Variants in ATP6V0A2 observed in about 807,000 individuals in gnomAD.
The protein encoded by ATP6V0A2 is ATPase H+ transporting V0 subunit a2.
Under a neutral mutation model 104.4 loss-of-function variants are expected in ATP6V0A2, and 58 were observed. That is an observed-to-expected ratio of 0.56 (90% CI 0.45 to 0.69). The LOEUF is 0.69. Among genes scored for constraint, ATP6V0A2 ranks in the 30% least tolerant of loss-of-function variants. The probability of loss-of-function intolerance (pLI) is 0.00; values close to 1 mark genes in which losing one functional copy is unlikely to be tolerated. For missense variants in ATP6V0A2, 938 were observed against 1,062.9 expected, an observed-to-expected ratio of 0.88 and a Z score of 1.63; for synonymous variants, 376 against 397.9, an observed-to-expected ratio of 0.95 and a Z score of 0.65.
chr12:123,750,811 G>A, intron 15 of ATP6V0A2: 1 of 406,412 alleles, frequency 2.5e-6, no homozygotes, highest in Non-Finnish European at 4.6e-6. Flanking sequence ...CTCATTTACA[G>A]TGTTTACAGA....
chr12:123,712,989 G>C (rs780395092), intron 1 of ATP6V0A2, among the ~76,000 whole-genome samples: 8 of 152,172 alleles, frequency 5.3e-5, no homozygotes, highest in Admixed American at 4.6e-4. Context: ...AGGCCTCTTG[G>C]AGTCCTTTTG....
chr12:123,737,119 T>C lies in ATP6V0A2; in HGVS notation c.886T>C (p.Tyr296His), dbSNP rs1283317046. The C allele has an allele frequency of 6.2e-7, 1 of 1,614,246 alleles. No homozygotes were observed. Among genetic ancestry groups the C allele is most frequent in the Admixed American group, 1.7e-5 (1 of 60,032 alleles). Residue 296 changes from tyrosine to histidine, a missense_variant, in exon 9 of 20, where the codon TAC (tyrosine) becomes CAC (histidine). By Grantham distance (83) the Tyr-to-His change is moderately conservative (BLOSUM62 2). Coordinates refer to ENST00000330342, the MANE Select transcript of ATP6V0A2 (RefSeq NM_012463.4). Reference sequence around the variant, plus strand: ...GCTATGTAAAGCCGCCGAGTCTGTCTACAGCCGTGTGATCCAGGTGAAGAA... The same window carrying C: ...GCTATGTAAAGCCGCCGAGTCTGTCCACAGCCGTGTGATCCAGGTGAAGAA... ...QVLCKAAESV[Y>H]SRVIQVKKMK...
At position 123,743,844 on chromosome 12, in the gene ATP6V0A2, C is replaced by T. The variant is rs988115285; in HGVS notation, c.1098C>T (p.Pro366=). 4.3e-6 allele frequency: 7 copies of T among 1,613,958 alleles called. No homozygotes were observed. The highest frequency in any genetic ancestry group is 1.7e-5 in the Admixed American group (1 of 59,998). Residue 366 remains proline (P), a synonymous_variant, in exon 10 of 20, where the codon CCC becomes CCT. Coordinates refer to ENST00000330342, the MANE Select transcript of ATP6V0A2 (RefSeq NM_012463.4). ...ATATAATCCCCACAAAAGAAACACC[C>T]CCCACTCGGATCCGCACCAACAAAT... is the stretch of plus-strand genomic sequence containing the variant. ...FMNIIPTKET[P]PTRIRTNKFT...
intron 9 of ATP6V0A2, among the ~76,000 whole-genome samples, chr12:123,739,583 C>T (rs1489512900): frequency 6.6e-6 from 1 of 152,198 alleles, no homozygotes; most frequent in East Asian, 1.9e-4. Flanking sequence ...CAGCCTCCAG[C>T]CTGCAGATCC....
chr12:123,733,967 G>A lies in ATP6V0A2; in HGVS notation c.690G>A (p.Trp230Ter). The A allele has an allele frequency of 6.2e-7, 1 of 1,613,542 alleles. No homozygotes were observed. Among genetic ancestry groups the A allele is most frequent in the Non-Finnish European group, 8.5e-7 (1 of 1,179,512 alleles). ...GGTATGTCTTTTTAATATCCTTTTG[G>A]GGAGAGCAGATTGGCCACAAGGTTA... The part of the protein sequence containing the change: ...IKWYVFLISF[W>*]GEQIGHKVKK... The change falls in exon 7 of 20, where the codon TGG (tryptophan) becomes TGA (stop). Residue 230 changes from tryptophan to a stop codon, truncating the protein, a stop_gained. Transcript: ENST00000330342. LOFTEE classifies it high-confidence loss of function.
At chr12:123,718,091 ATTTT>A (rs57967439) in intron 1 of ATP6V0A2, among the ~76,000 whole-genome samples, 1 of 142,956 alleles carries the variant, frequency 7.0e-6, no homozygotes, top group African/African-American at 2.6e-5. Flanking sequence ...TGCCTGGCTA[ATTTT>A]TTTTTTTTTT....
At chr12:123,750,342 T>G (rs1956702706) in intron 15 of ATP6V0A2, 1 of 152,662 alleles carries the variant, frequency 6.6e-6, no homozygotes, top group Admixed American at 6.5e-5. Context: ...TCAGCCTGGC[T>G]CCAGCCCAGG....
At chr12:123,752,494 A>G in intron 17 of ATP6V0A2, 92 bp downstream of exon 17, 1 of 1,513,286 alleles carries the variant, frequency 6.6e-7, no homozygotes, top group Non-Finnish European at 9.1e-7. Flanking sequence ...ATCATCTTAA[A>G]AAATGGTTAA....
At chr12:123,736,029 T>C (rs942007995) in intron 8 of ATP6V0A2, among the ~76,000 whole-genome samples, 3 of 149,634 alleles carry the variant, frequency 2.0e-5, no homozygotes, top group Non-Finnish European at 1.5e-5. Context: ...CGCACCACCA[T>C]GCCCGGCCAA....
rs765470088 is a variant in ATP6V0A2, at chr12:123,722,440, G to A, written c.286G>A (p.Glu96Lys). 1.2e-6 allele frequency: 2 copies of A among 1,605,280 alleles called. No individual in the cohort carries two copies. Among genetic ancestry groups the A allele is most frequent in the Non-Finnish European group, 1.7e-6 (2 of 1,171,922 alleles). The change falls in exon 3 of 20, where the codon GAA becomes AAA. Residue 96 changes from glutamate to lysine, a missense_variant. By Grantham distance (56) the Glu-to-Lys change is moderately conservative (BLOSUM62 1). Transcript: ENST00000330342. Reference protein sequence around the residue: ...PPAPPLKQVLEMQEQLQKLEV... With the variant: ...PPAPPLKQVLKMQEQLQKLEV... ...TGCGCCACCCCTGAAACAGGTTCTA[G>A]AAATGCAGGTAACTTGCTTCTGACG...
At chr12:123,718,049 C>T (rs910974584) in intron 1 of ATP6V0A2, among the ~76,000 whole-genome samples, 1 of 151,560 alleles carries the variant, frequency 6.6e-6, no homozygotes, top group African/African-American at 2.4e-5. Context: ...CTCAGCCTTC[C>T]AAGTAGCTGG....
intron 5 of ATP6V0A2, among the ~76,000 whole-genome samples, chr12:123,727,558 T>C (rs1956460175): frequency 6.6e-6 from 1 of 152,182 alleles, no homozygotes; most frequent in Non-Finnish European, 1.5e-5. Context: ...ATTACAGGCA[T>C]GAGCCACTGT....
chr12:123,716,721 G>T (rs934643224), intron 1 of ATP6V0A2, among the ~76,000 whole-genome samples: 1 of 151,420 alleles, frequency 6.6e-6, no homozygotes, highest in African/African-American at 2.4e-5. Flanking sequence ...AACCTGGGAG[G>T]CAGAGGTTGC....
chr12:123,746,660 A>G (rs1012959223), intron 13 of ATP6V0A2, among the ~76,000 whole-genome samples: 4 of 151,362 alleles, frequency 2.6e-5, no homozygotes, highest in East Asian at 1.9e-4. Flanking sequence ...AAAAAAAAAA[A>G]AAAAGGTTGG....
chr12:123,730,350 C>T (rs1225616099), intron 6 of ATP6V0A2, among the ~76,000 whole-genome samples: 1 of 152,004 alleles, frequency 6.6e-6, no homozygotes, highest in Non-Finnish European at 1.5e-5. Context: ...CCACCACACC[C>T]GGCCAGGAGT....
In ATP6V0A2 at chr12:123,712,402, C is replaced by T. The variant is rs1010177032; in HGVS notation, c.-164C>T. On this transcript the variant is annotated 5_prime_UTR_variant, in exon 1 of 20. Coordinates refer to ENST00000330342, the MANE Select transcript of ATP6V0A2 (RefSeq NM_012463.4). ...GCAGCTGGAGCGGCGGCCGCGGTGGCAGAACCGGGGGCGGCCGCTGCAGTC... is the reference window on the plus strand; with the variant it reads ...GCAGCTGGAGCGGCGGCCGCGGTGGTAGAACCGGGGGCGGCCGCTGCAGTC... 7.9e-6 allele frequency: 3 copies of T among 380,594 alleles called. No homozygotes were observed. The highest frequency in any genetic ancestry group is 9.7e-5 in the South Asian group (1 of 10,316). 23.6% of individuals were successfully genotyped at this position (380,594 alleles called of 1,614,324 possible).
At chr12:123,717,636 G>A (rs1447460602) in intron 1 of ATP6V0A2, among the ~76,000 whole-genome samples, 1 of 151,746 alleles carries the variant, frequency 6.6e-6, no homozygotes, top group Non-Finnish European at 1.5e-5. Context: ...GAGAGATGGT[G>A]TCTTACCATG....
chr12:123,756,031 A>G (rs1956759941), intron 18 of ATP6V0A2, among the ~76,000 whole-genome samples: 1 of 149,048 alleles, frequency 6.7e-6, no homozygotes, highest in African/African-American at 2.5e-5. Context: ...CAGTGAGCCG[A>G]GATCATGCCA....
At chr12:123,740,204 C>CT (rs34257905) in intron 9 of ATP6V0A2, among the ~76,000 whole-genome samples, 35 of 141,698 alleles carry the variant, frequency 2.5e-4, no homozygotes, top group African/African-American at 3.4e-4. Flanking sequence ...CTCTCTCTCT[C>CT]TTTTTTTTTT....
Sources: gnomAD v4.1 joint callset for allele counts (sites outside exome capture counted in the v4.1 genomes callset) on GRCh38, gnomAD v4.1.1 for gene constraint, MANE v1.5 for transcripts, NCBI Gene and HGNC (gene_info 2026-07-23, HGNC 2026-07-21) for gene names.